FRMD4B: variants seen among roughly 807,000 people sequenced by gnomAD.
The protein encoded by FRMD4B is FERM domain-containing protein 4B.
Under a neutral mutation model 141.5 loss-of-function variants are expected in FRMD4B, and 74 were observed. The observed-to-expected ratio is 0.52, with a 90% CI of 0.43 to 0.63. The LOEUF is 0.63. FRMD4B is among the 30% of genes least tolerant of loss of function. The probability of loss-of-function intolerance (pLI) is 0.00; values close to 1 mark genes in which losing one functional copy is unlikely to be tolerated. For synonymous variants in FRMD4B, 506 were observed against 467.9 expected (o/e 1.08, Z -1.05); for missense variants, 1,366 against 1,253.4 (o/e 1.09, Z -1.36).
chr3:69,493,933 G>A (rs1223033808), intron 1 of FRMD4B, among the ~76,000 whole-genome samples: 1 of 152,146 alleles, frequency 6.6e-6, no homozygotes, highest in Non-Finnish European at 1.5e-5. Context: ...GTGCAGTAGT[G>A]GGGTGCAATC....
intron 4 of FRMD4B, among the ~76,000 whole-genome samples, chr3:69,298,557 C>T (rs1333934876): frequency 2.0e-5 from 3 of 152,240 alleles, no homozygotes; most frequent in Non-Finnish European, 4.4e-5. Context: ...CCAACTCCTA[C>T]TCACCTCCCT....
chr3:69,400,165 C>T (rs924841806), intron 2 of FRMD4B, among the ~76,000 whole-genome samples: 10 of 151,524 alleles, frequency 6.6e-5, no homozygotes, highest in African/African-American at 2.2e-4. Context: ...ACAGGAGGAT[C>T]ACTTGAGGCC....
chr3:69,312,611 T>C (rs1701637865), intron 2 of FRMD4B, among the ~76,000 whole-genome samples: 1 of 152,200 alleles, frequency 6.6e-6, no homozygotes, highest in Admixed American at 6.5e-5. Flanking sequence ...AAAAATATCA[T>C]CGCTTGGCTG....
At chr3:69,263,230 C>A (rs201433025) in intron 5 of FRMD4B, among the ~76,000 whole-genome samples, 1 of 151,906 alleles carries the variant, frequency 6.6e-6, no homozygotes, top group East Asian at 1.9e-4. Context: ...GCACTCCAAC[C>A]TGGGTGACAG....
chr3:69,311,194 A>G, intron 3 of FRMD4B, 69 bp downstream of exon 3: 1 of 691,256 alleles, frequency 1.4e-6, no homozygotes, highest in South Asian at 1.9e-5. Flanking sequence ...CTTTTTTGTT[A>G]ATTATGGAAG....
chr3:69,265,211 C>T (rs1366542664), intron 5 of FRMD4B, among the ~76,000 whole-genome samples: 4 of 124,356 alleles, frequency 3.2e-5, no homozygotes, highest in East Asian at 2.6e-4. Context: ...GCCGAGATTG[C>T]GCCACTGCAC....
At chr3:69,535,092 T>A (rs1391395446) in intron 1 of FRMD4B, among the ~76,000 whole-genome samples, 1 of 152,158 alleles carries the variant, frequency 6.6e-6, no homozygotes, top group Non-Finnish European at 1.5e-5. Flanking sequence ...ATTCTTATAA[T>A]CCCCACTTTA....
At chr3:69,459,167 C>A (rs1231438390) in intron 1 of FRMD4B, among the ~76,000 whole-genome samples, 1 of 152,172 alleles carries the variant, frequency 6.6e-6, no homozygotes, top group Non-Finnish European at 1.5e-5. Flanking sequence ...AAGAATTTAA[C>A]TTCATAGTTT....
At position 69,220,147 on chromosome 3, in the gene FRMD4B, A is replaced by C. The variant is rs1261495418; in HGVS notation, c.731+1711T>G. 2.0e-5 allele frequency among the ~76,000 whole-genome samples: 3 copies of C among 152,194 alleles called. No homozygotes were observed. In the East Asian group the frequency reaches 5.8e-4, roughly 29 times the overall value. On this transcript the variant is annotated intron_variant, in intron 9 of 22. Transcript: ENST00000398540. ...GTTAGGTGATTCTGTCCTTGTGCAC[A>C]CATCATAGAGTGCACTTACACGAAC...
At chr3:69,368,227 G>C (rs1703723425) in intron 1 of FRMD4B, among the ~76,000 whole-genome samples, 2 of 152,132 alleles carry the variant, frequency 1.3e-5, no homozygotes, top group South Asian at 4.1e-4. Flanking sequence ...GGCTCAAATG[G>C]GTTGAGAAAC....
intron 1 of FRMD4B, among the ~76,000 whole-genome samples, chr3:69,470,736 C>A (rs959855591): frequency 9.9e-5 from 15 of 152,140 alleles, no homozygotes; most frequent in Non-Finnish European, 2.1e-4. Flanking sequence ...GAACTACATT[C>A]CTAGGGCAAT....
chr3:69,201,642 GT>G (rs1357019786), intron 11 of FRMD4B, among the ~76,000 whole-genome samples: 1 of 152,088 alleles, frequency 6.6e-6, no homozygotes, highest in Admixed American at 6.6e-5. Flanking sequence ...ATATAAGCTG[GT>G]TTTTCTTTTG....
At chr3:69,225,398 G>A (rs566719436) in intron 7 of FRMD4B, among the ~76,000 whole-genome samples, 19 of 151,904 alleles carry the variant, frequency 1.3e-4, no homozygotes, top group African/African-American at 2.4e-4. Context: ...AGAACAGGCC[G>A]GACACAGTGG....
At chr3:69,319,084 T>C (rs918748641) in intron 1 of FRMD4B, among the ~76,000 whole-genome samples, 9 of 152,206 alleles carry the variant, frequency 5.9e-5, no homozygotes, top group Non-Finnish European at 1.3e-4. Flanking sequence ...CACTCATTAA[T>C]GTATAGAATT....
At chr3:69,277,859 CTTTTT>C (rs57048532) in intron 5 of FRMD4B, among the ~76,000 whole-genome samples, 11 of 147,630 alleles carry the variant, frequency 7.5e-5, no homozygotes, top group Non-Finnish European at 1.5e-4. Context: ...TTCTTTCTTT[CTTTTT>C]TTTTTTCTTG....
intron 1 of FRMD4B, among the ~76,000 whole-genome samples, chr3:69,361,969 T>C (rs927708222): frequency 6.6e-6 from 1 of 152,218 alleles, no homozygotes; most frequent in Non-Finnish European, 1.5e-5. Context: ...ACTGCCAATA[T>C]ATGAGAGATC....
intron 18 of FRMD4B, among the ~76,000 whole-genome samples, chr3:69,188,734 G>T (rs1187785651): frequency 1.2e-4 from 17 of 137,022 alleles, no homozygotes; most frequent in African/African-American, 4.7e-4. Flanking sequence ...TCCGCAGTCC[G>T]ACCTGGGCGA....
chr3:69,404,009 C>T (rs111668261), intron 2 of FRMD4B, among the ~76,000 whole-genome samples: 5,436 of 152,208 alleles, frequency 0.036, 322 homozygotes, highest in African/African-American at 0.12. Context: ...AATCTTCCTG[C>T]CTCAGCCTCT....
intron 2 of FRMD4B, among the ~76,000 whole-genome samples, chr3:69,431,534 T>C (rs1182423512): frequency 6.6e-6 from 1 of 152,218 alleles, no homozygotes; most frequent in Admixed American, 6.5e-5. Flanking sequence ...CAACCAATAA[T>C]TACTGAGCAC....
Sources: allele counts gnomAD v4.1 joint callset (sites outside exome capture counted in the v4.1 genomes callset), GRCh38; gene constraint gnomAD v4.1.1; transcripts MANE v1.5; gene names NCBI Gene and HGNC (gene_info 2026-07-23, HGNC 2026-07-21).